Variants in NTRK3 observed in about 807,000 individuals in gnomAD.
The protein encoded by NTRK3 is neurotrophic receptor tyrosine kinase 3.
Under a neutral mutation model 91.7 loss-of-function variants are expected in NTRK3, and 24 were observed. That is an observed-to-expected ratio of 0.26 (90% CI 0.19 to 0.37). NTRK3 has a LOEUF of 0.37. NTRK3 is among the 10% of genes least tolerant of loss of function. The probability of loss-of-function intolerance (pLI) is 1.00; values close to 1 mark genes in which losing one functional copy is unlikely to be tolerated. For synonymous variants in NTRK3, 483 were observed against 404.0 expected (o/e 1.20, Z -2.34); for missense variants, 880 against 1,068.9 (o/e 0.82, Z 2.46).
At chr15:88,155,394 G>A (rs1001113332) in intron 5 of NTRK3, among the ~76,000 whole-genome samples, 1 of 152,198 alleles carries the variant, frequency 6.6e-6, no homozygotes, top group Non-Finnish European at 1.5e-5. Context: ...TTCTCCCTTA[G>A]AGCCTCCAGA....
At chr15:88,189,763 C>A (rs1252937053) in intron 3 of NTRK3, among the ~76,000 whole-genome samples, 1 of 152,096 alleles carries the variant, frequency 6.6e-6, no homozygotes, top group Non-Finnish European at 1.5e-5. Context: ...TTTTGTACCC[C>A]AGTTTTCTCT....
Position 88,117,488 on chromosome 15 carries a change from A to G in NTRK3, c.1396+8783T>C, listed in dbSNP as rs16941279. Among the ~76,000 whole-genome samples the G allele has an allele frequency of 9.7e-3, 1,482 of 152,318 alleles. 31 individuals are homozygous for G. Among genetic ancestry groups the G allele is most frequent in the African/African-American group, 0.034 (1,409 of 41,566 alleles). On this transcript the variant is annotated intron_variant, in intron 13 of 18. Transcript: ENST00000394480. Reference sequence around the variant, plus strand: ...AATACCTGTTTCATCACCATTCAGGATAGACAAAGGAGCTAGGATCTTAAG... The same window carrying G: ...AATACCTGTTTCATCACCATTCAGGGTAGACAAAGGAGCTAGGATCTTAAG...
chr15:88,064,324 C>A (rs1183525455), intron 13 of NTRK3, among the ~76,000 whole-genome samples: 2 of 152,206 alleles, frequency 1.3e-5, no homozygotes, highest in East Asian at 3.9e-4. Flanking sequence ...GTTATGGCTG[C>A]CTTAAAAATC....
At chr15:88,033,422 T>A (rs962143241) in intron 13 of NTRK3, among the ~76,000 whole-genome samples, 1 of 151,496 alleles carries the variant, frequency 6.6e-6, no homozygotes, top group Admixed American at 6.6e-5. Context: ...GCGATTCTCA[T>A]GCCTCAGCCT....
chr15:88,013,310 C>G lies in NTRK3; in HGVS notation c.1585+19547G>C, dbSNP rs1036208615. Among the ~76,000 whole-genome samples the G allele has an allele frequency of 3.9e-5, 6 of 152,248 alleles. No homozygotes were observed. In the East Asian group the frequency reaches 9.6e-4, roughly 24 times the overall value. ...GTCAGAGCGTAACCAGATAACAGAA[C>G]TGTGGAAAAAAGGAACAGGGTTCCT... On this transcript the variant is annotated intron_variant, in intron 14 of 18. Coordinates refer to ENST00000394480, the Ensembl canonical transcript of NTRK3.
intron 10 of NTRK3, 148 bp downstream of exon 10, chr15:88,134,952 TG>T: frequency 1.1e-6 from 1 of 936,546 alleles, no homozygotes; most frequent in Non-Finnish European, 1.7e-6. Flanking sequence ...CAGATGCGGC[TG>T]GTGGTTGCAC....
In NTRK3 at chr15:87,897,808, A is replaced by T. The variant is rs2066214957; in HGVS notation, c.2134-17380T>A. Among the ~76,000 whole-genome samples, 3 of 152,232 alleles carry T rather than the reference A, an allele frequency of 2.0e-5. No homozygotes were observed. The South Asian group carries it at 6.2e-4, about 32-fold the overall frequency. On this transcript the variant is annotated intron_variant, in intron 17 of 18. Transcript: ENST00000394480. Reference sequence around the variant, plus strand: ...TAGTTAGAGGCCAAAAAATATAAAAATTATAACATATCAGAATTATATACA... The same window carrying T: ...TAGTTAGAGGCCAAAAAATATAAAATTTATAACATATCAGAATTATATACA...
At chr15:88,110,190 T>C (rs1249080300) in intron 13 of NTRK3, among the ~76,000 whole-genome samples, 1 of 151,994 alleles carries the variant, frequency 6.6e-6, no homozygotes, top group Admixed American at 6.6e-5. Flanking sequence ...AAAGAAGCCA[T>C]AGCATTGGCC....
chr15:88,174,931 G>C (rs879536621), intron 5 of NTRK3, among the ~76,000 whole-genome samples: 1 of 152,220 alleles, frequency 6.6e-6, no homozygotes, highest in Non-Finnish European at 1.5e-5. Context: ...CACTGATGAA[G>C]AACCACCACT....
intron 14 of NTRK3, among the ~76,000 whole-genome samples, chr15:88,029,306 C>T (rs566054873): frequency 1.1e-4 from 17 of 152,306 alleles, no homozygotes; most frequent in African/African-American, 3.8e-4. Context: ...TGTGGGGATG[C>T]AAGCATCTGA....
intron 5 of NTRK3, among the ~76,000 whole-genome samples, chr15:88,175,554 A>G (rs905984892): frequency 1.3e-5 from 2 of 152,208 alleles, no homozygotes; most frequent in Non-Finnish European, 2.9e-5. Flanking sequence ...TTAGAATCAA[A>G]TTGATCCATT....
At chr15:88,054,321 C>T (rs2045496876) in intron 13 of NTRK3, among the ~76,000 whole-genome samples, 1 of 152,194 alleles carries the variant, frequency 6.6e-6, no homozygotes, top group African/African-American at 2.4e-5. Flanking sequence ...ACAGCCACTT[C>T]CTCTACAAAT....
intron 13 of NTRK3, among the ~76,000 whole-genome samples, chr15:88,115,505 CTTCAT>C (rs562084445): frequency 4.9e-4 from 75 of 152,338 alleles, no homozygotes; most frequent in African/African-American, 1.8e-3. Flanking sequence ...CTCCTTGGGG[CTTCAT>C]GTCAAGGCCT....
At chr15:88,126,428 T>C in intron 12 of NTRK3, 55 bp from the exon 13 acceptor site, 1 of 1,212,756 alleles carries the variant, frequency 8.2e-7, no homozygotes, top group South Asian at 1.2e-5. Flanking sequence ...CCCAATTTCC[T>C]TGAAAATAAT....
intron 13 of NTRK3, among the ~76,000 whole-genome samples, chr15:88,040,512 TACTC>T (rs1353827786): frequency 1.3e-5 from 2 of 152,220 alleles, no homozygotes; most frequent in African/African-American, 4.8e-5. Context: ...GATACATCAA[TACTC>T]ACTCCCTCTT....
At chr15:88,148,082 G>C (rs942576566) in intron 5 of NTRK3, among the ~76,000 whole-genome samples, 7 of 152,226 alleles carry the variant, frequency 4.6e-5, no homozygotes, top group African/African-American at 1.7e-4. Context: ...TGCTAGAATT[G>C]AAGTGGCATC....
intron 3 of NTRK3, among the ~76,000 whole-genome samples, chr15:88,224,810 C>G (rs2050535946): frequency 6.6e-6 from 1 of 152,146 alleles, no homozygotes; most frequent in African/African-American, 2.4e-5. Context: ...AGGGAGGCAG[C>G]TACATAAATT....
intron 3 of NTRK3, among the ~76,000 whole-genome samples, chr15:88,212,326 C>T (rs1042689544): frequency 1.3e-5 from 2 of 152,074 alleles, no homozygotes; most frequent in African/African-American, 4.8e-5. Context: ...GCCGAGATCG[C>T]GCCACTGCAC....
chr15:87,981,479 A>T, intron 14 of NTRK3: 1 of 1,392,540 alleles, frequency 7.2e-7, no homozygotes, highest in Non-Finnish European at 1.0e-6. Context: ...CAGGTTTCTC[A>T]GCTCCTGTAC....
Sources: allele counts gnomAD v4.1 joint callset (sites outside exome capture counted in the v4.1 genomes callset), GRCh38; gene constraint gnomAD v4.1.1; transcripts MANE v1.5; gene names NCBI Gene and HGNC (gene_info 2026-07-23, HGNC 2026-07-21).